The following CHN1 variants were observed in gnomAD, a reference collection of about 807,000 sequenced individuals.
CHN1 encodes the protein N-chimaerin.
In CHN1, 37 loss-of-function variants were observed where a neutral mutation model predicts 59.5. The observed-to-expected ratio is 0.62, with a 90% CI of 0.48 to 0.82. The LOEUF (loss-of-function observed/expected upper bound fraction) is 0.82, where lower values mean the gene tolerates loss of function less well. Among genes scored for constraint, CHN1 ranks in the 40% least tolerant of loss-of-function variants. The pLI, the probability that CHN1 is intolerant of heterozygous loss-of-function variation, is 0.00. For missense variants in CHN1, 469 were observed against 571.0 expected (o/e 0.82, Z 1.82); for synonymous variants, 206 against 200.4 (o/e 1.03, Z -0.24).
intron 8 of CHN1, among the ~76,000 whole-genome samples, chr2:174,818,059 T>TACC (rs1685344882): frequency 6.6e-6 from 1 of 152,204 alleles, no homozygotes; most frequent in South Asian, 2.1e-4. Context: ...AGGCGTGAGT[T>TACC]ACCACATCCA....
chr2:174,951,301 A>T (rs561798638), intron 2 of CHN1, among the ~76,000 whole-genome samples: 1 of 152,186 alleles, frequency 6.6e-6, no homozygotes, highest in African/African-American at 2.4e-5. Context: ...TAAAAAAAAA[A>T]TTATCTGTTC....
intron 1 of CHN1, among the ~76,000 whole-genome samples, chr2:174,999,595 CCTCA>C (rs1215244937): frequency 7.2e-5 from 11 of 152,218 alleles, no homozygotes; most frequent in South Asian, 4.2e-4. Flanking sequence ...TATTTTTCTG[CCTCA>C]CTATTTTATG....
At chr2:174,899,035 A>G (rs992532944) in intron 5 of CHN1, among the ~76,000 whole-genome samples, 5 of 152,190 alleles carry the variant, frequency 3.3e-5, no homozygotes, top group African/African-American at 1.2e-4. Flanking sequence ...ACAGAGCTTT[A>G]AAACTCCTTG....
intron 6 of CHN1, among the ~76,000 whole-genome samples, chr2:174,854,269 G>A (rs1308661681): frequency 6.6e-6 from 1 of 151,524 alleles, no homozygotes; most frequent in Non-Finnish European, 1.5e-5. Flanking sequence ...TGTTTGTGAA[G>A]AGACATGGAT....
chr2:174,885,419 A>G (rs1348923048), intron 5 of CHN1, among the ~76,000 whole-genome samples: 1 of 152,200 alleles, frequency 6.6e-6, no homozygotes, highest in African/African-American at 2.4e-5. Flanking sequence ...TTACAGAGCC[A>G]TAATGGTCTT....
chr2:174,848,794 A>C (rs1686629726), intron 6 of CHN1, among the ~76,000 whole-genome samples: 1 of 152,114 alleles, frequency 6.6e-6, no homozygotes, highest in African/African-American at 2.4e-5. Context: ...TAAAAGGCAA[A>C]ATTTATTTAC....
intron 6 of CHN1, among the ~76,000 whole-genome samples, chr2:174,865,539 T>G (rs1235053391): frequency 6.6e-6 from 1 of 152,150 alleles, no homozygotes; most frequent in Non-Finnish European, 1.5e-5. Context: ...CATTAAAGAT[T>G]AAAGGAGATA....
At chr2:174,903,160 ACTAT>A (rs1160712399) in intron 5 of CHN1, among the ~76,000 whole-genome samples, 1 of 152,184 alleles carries the variant, frequency 6.6e-6, no homozygotes, top group African/African-American at 2.4e-5. Flanking sequence ...GTCCTTTTTG[ACTAT>A]CTCGTTGTCC....
At chr2:174,963,201 T>G (rs1054250842) in intron 1 of CHN1, among the ~76,000 whole-genome samples, 1 of 152,152 alleles carries the variant, frequency 6.6e-6, no homozygotes, top group African/African-American at 2.4e-5. Context: ...GTTTGTGCCT[T>G]CAATGGCAGT....
intron 5 of CHN1, among the ~76,000 whole-genome samples, chr2:174,885,355 T>G (rs926527622): frequency 9.2e-5 from 14 of 151,768 alleles, no homozygotes; most frequent in African/African-American, 3.1e-4. Flanking sequence ...GTTACCGTAG[T>G]TTTGCTGGAC....
At chr2:174,829,716 GTGGCAATGACAT>G (rs1266228273) in intron 7 of CHN1, among the ~76,000 whole-genome samples, 1 of 152,190 alleles carries the variant, frequency 6.6e-6, no homozygotes, top group Non-Finnish European at 1.5e-5. Flanking sequence ...GCTTGGGAAG[GTGGCAATGACAT>G]TTCAGCTGCA....
rs550177229 is a variant in CHN1 at position 174,895,043 on chromosome 2, A to G, written c.261-16915T>C. Among the ~76,000 whole-genome samples, 195 of 148,194 alleles carry G rather than the reference A, an allele frequency of 1.3e-3. 1 individual carries two copies. Among genetic ancestry groups the G allele is most frequent in the Admixed American group, 6.7e-3 (99 of 14,844 alleles). On this transcript the variant is annotated intron_variant, in intron 5 of 12. Coordinates refer to ENST00000409900, the MANE Select transcript of CHN1 (RefSeq NM_001822.7). ...AAAAACATAGTATATACACACACACACGCGCGCACACACACACACACACAC... is the reference window on the plus strand; with the variant it reads ...AAAAACATAGTATATACACACACACGCGCGCGCACACACACACACACACAC...
In CHN1 at chr2:174,942,544, T is replaced by C. The variant is rs147910068; in HGVS notation, c.114+2344A>G. Among the ~76,000 whole-genome samples, 573 of 152,196 alleles carry C rather than the reference T, an allele frequency of 3.8e-3. 4 individuals carry two copies. Among genetic ancestry groups the C allele is most frequent in the African/African-American group, 0.013 (546 of 41,528 alleles). ...AAAAGGATAGGGAGAGGTTGGTTAA[T>C]AGATATAAAATTATCCTAGATAAGA... is the stretch of plus-strand genomic sequence containing the variant. On this transcript the variant is annotated intron_variant, in intron 3 of 12. Coordinates refer to ENST00000409900, the MANE Select transcript of CHN1 (RefSeq NM_001822.7).
At chr2:174,950,238 A>G (rs1286608310) in intron 2 of CHN1, among the ~76,000 whole-genome samples, 2 of 151,078 alleles carry the variant, frequency 1.3e-5, no homozygotes, top group Non-Finnish European at 2.9e-5. Flanking sequence ...ACAAAGCAAT[A>G]GCCTATCTCT....
chr2:174,946,775 C>A (rs10171806), intron 2 of CHN1, among the ~76,000 whole-genome samples: 3 of 151,700 alleles, frequency 2.0e-5, no homozygotes, highest in African/African-American at 4.8e-5. Flanking sequence ...AAGAAGGATT[C>A]TTCAAGGGCC....
Position 174,915,153 on chromosome 2 carries a change from G to A in CHN1, c.165C>T (p.Ser55=), listed in dbSNP as rs774833153. 1 of 1,610,624 alleles carries A rather than the reference G, an allele frequency of 6.2e-7. No individual in the cohort carries two copies. The highest frequency in any genetic ancestry group is 1.1e-5 in the South Asian group (1 of 89,934). The change falls in exon 5 of 13, where the codon TCC becomes TCT. Residue 55 remains serine, a synonymous_variant. Coordinates refer to ENST00000409900, the MANE Select transcript of CHN1 (RefSeq NM_001822.7). ...TCAAGAGCTGGTCGGCTGCTTCTCT[G>A]GAGATCATGCCATGAAACCTAAGAA... ...YYGREFHGMI[S]REAADQLLIV...
intron 7 of CHN1, among the ~76,000 whole-genome samples, chr2:174,837,959 C>T (rs1180433199): frequency 6.6e-6 from 1 of 152,190 alleles, no homozygotes; most frequent in Admixed American, 6.5e-5. Flanking sequence ...TGAACACCAA[C>T]TAATGATACT....
intron 1 of CHN1, among the ~76,000 whole-genome samples, chr2:174,998,062 G>A (rs897338376): frequency 3.3e-5 from 5 of 150,752 alleles, no homozygotes; most frequent in Admixed American, 3.3e-4. Flanking sequence ...CAGCACTTTG[G>A]GGGGCCGAGA....
chr2:174,983,801 C>T (rs1359609436), intron 1 of CHN1, among the ~76,000 whole-genome samples: 1 of 152,084 alleles, frequency 6.6e-6, no homozygotes, highest in Non-Finnish European at 1.5e-5. Flanking sequence ...GCACTCCAGC[C>T]TGGGCAACAG....
Sources: allele counts gnomAD v4.1 joint callset (sites outside exome capture counted in the v4.1 genomes callset), GRCh38; gene constraint gnomAD v4.1.1; transcripts MANE v1.5; gene names NCBI Gene and HGNC (gene_info 2026-07-23, HGNC 2026-07-21).